PVT1: variants seen among roughly 807,000 people sequenced by gnomAD.
PVT1 encodes CXCR4/PVT1 fusion.
intron 2 of PVT1, among the ~76,000 whole-genome samples, chr8:127,817,541 A>ATGTGTGTGTGTG (rs1814679560): frequency 9.3e-6 from 1 of 107,766 alleles, no homozygotes; most frequent in Non-Finnish European, 1.9e-5. Context: ...ATATATATAT[A>ATGTGTGTGTGTG]TATATACACA....
intron 2 of PVT1, among the ~76,000 whole-genome samples, chr8:127,817,135 ACT>A (rs1814670719): frequency 6.6e-6 from 1 of 150,890 alleles, no homozygotes; most frequent in African/African-American, 2.4e-5. Flanking sequence ...GGGATTGTAG[ACT>A]CTCAAATTTG....
chr8:127,795,587 C>T (rs562962772), intron 1 of PVT1, among the ~76,000 whole-genome samples: 116 of 151,494 alleles, frequency 7.7e-4, no homozygotes, highest in African/African-American at 2.6e-3. Flanking sequence ...GGCTGTTAGC[C>T]TGTCTCTCGC....
At chr8:127,896,892 C>A (rs1815686022) in intron 3 of PVT1, among the ~76,000 whole-genome samples, 3 of 151,408 alleles carry the variant, frequency 2.0e-5, no homozygotes, top group South Asian at 4.2e-4. Flanking sequence ...TACTCTAATG[C>A]TAGCTATCTA....
intron 2 of PVT1, among the ~76,000 whole-genome samples, chr8:127,826,695 A>G (rs1436865315): frequency 1.3e-5 from 2 of 152,240 alleles, no homozygotes; most frequent in Non-Finnish European, 2.9e-5. Flanking sequence ...GCTGTTGCTA[A>G]GAGGCCACCC....
intron 5 of PVT1, among the ~76,000 whole-genome samples, chr8:128,093,447 C>T (rs1814385654): frequency 1.3e-5 from 2 of 152,050 alleles, no homozygotes; most frequent in Admixed American, 1.3e-4. Flanking sequence ...ATCCCAGCTA[C>T]TCAGGAGGCT....
At chr8:128,046,870 C>G (rs574718496) in intron 4 of PVT1, among the ~76,000 whole-genome samples, 1 of 152,216 alleles carries the variant, frequency 6.6e-6, no homozygotes, top group Non-Finnish European at 1.5e-5. Flanking sequence ...TCTCTAATCA[C>G]GTAGATTACA....
intron 4 of PVT1, among the ~76,000 whole-genome samples, chr8:128,067,953 G>GTTTT (rs34269945): frequency 1.4e-5 from 2 of 142,622 alleles, no homozygotes; most frequent in Non-Finnish European, 3.0e-5. Context: ...CATACTTTGT[G>GTTTT]TTTTTTTTTT....
chr8:127,929,198 T>A (rs1056941364), intron 3 of PVT1, among the ~76,000 whole-genome samples: 10 of 47,414 alleles, frequency 2.1e-4, no homozygotes, highest in African/African-American at 8.4e-4. Context: ...TTCATTTTTC[T>A]GTTTTTTTTT....
intron 3 of PVT1, among the ~76,000 whole-genome samples, chr8:127,954,509 G>T (rs1328651667): frequency 2.0e-5 from 3 of 152,028 alleles, no homozygotes; most frequent in Non-Finnish European, 2.9e-5. Flanking sequence ...TGGCCAGGAT[G>T]GTCTCGATCT....
chr8:128,091,210 T>C (rs577365265), intron 5 of PVT1, among the ~76,000 whole-genome samples: 1 of 152,274 alleles, frequency 6.6e-6, no homozygotes, highest in East Asian at 1.9e-4. Context: ...TGTCCCGGCC[T>C]GGCAGGCGTT....
intron 2 of PVT1, chr8:127,852,105 G>C (rs561542182): frequency 6.6e-6 from 1 of 152,314 alleles, no homozygotes; most frequent in African/African-American, 2.4e-5. Context: ...GAGCTGCCTC[G>C]ATTTCTGGTT....
chr8:127,861,557 CAT>C (rs1260622070), intron 2 of PVT1, among the ~76,000 whole-genome samples: 11 of 128,108 alleles, frequency 8.6e-5, no homozygotes, highest in Admixed American at 5.3e-4. Context: ...TTGTTTTTGA[CAT>C]GTTTTTTTTT....
intron 2 of PVT1, among the ~76,000 whole-genome samples, chr8:127,804,319 T>C (rs1814502366): frequency 6.6e-6 from 1 of 152,134 alleles, no homozygotes; most frequent in Non-Finnish European, 1.5e-5. Flanking sequence ...CACTGTTTTT[T>C]CTTTGCCTTG....
chr8:127,868,236 G>T (rs556013679), intron 2 of PVT1, among the ~76,000 whole-genome samples: 110 of 152,140 alleles, frequency 7.2e-4, no homozygotes, highest in Non-Finnish European at 8.1e-4. Context: ...GAGCTATAAG[G>T]CCTCAGGGTC....
intron 4 of PVT1, among the ~76,000 whole-genome samples, chr8:128,004,785 G>GT (rs1209695640): frequency 6.6e-6 from 1 of 152,172 alleles, no homozygotes; most frequent in Non-Finnish European, 1.5e-5. Flanking sequence ...ACCTGTAAAT[G>GT]TAACAATGCC....
At chr8:127,952,436 T>C (rs1400067555) in intron 3 of PVT1, among the ~76,000 whole-genome samples, 1 of 152,244 alleles carries the variant, frequency 6.6e-6, no homozygotes, top group East Asian at 1.9e-4. Flanking sequence ...ACTGTCTCAT[T>C]GCTTACTCAG....
intron 3 of PVT1, among the ~76,000 whole-genome samples, chr8:127,910,139 A>G (rs770662835): frequency 6.6e-6 from 1 of 152,108 alleles, no homozygotes; most frequent in Non-Finnish European, 1.5e-5. Context: ...CATGTGCTGG[A>G]AGAGCAATTA....
chr8:128,043,709 A>G (rs1813573177), intron 4 of PVT1, among the ~76,000 whole-genome samples: 1 of 150,564 alleles, frequency 6.6e-6, no homozygotes, highest in African/African-American at 2.5e-5. Flanking sequence ...GTGTGTCCGT[A>G]TGTGTGTGTA....
chr8:128,058,391 T>A (rs538119828), intron 4 of PVT1, among the ~76,000 whole-genome samples: 1 of 149,702 alleles, frequency 6.7e-6, no homozygotes, highest in Non-Finnish European at 1.5e-5. Flanking sequence ...TGTGTGTGTG[T>A]GTGTGTGTGT....
Sources: gnomAD v4.1 joint callset for allele counts (sites outside exome capture counted in the v4.1 genomes callset) on GRCh38, gnomAD v4.1.1 for gene constraint, MANE v1.5 for transcripts, NCBI Gene and HGNC (gene_info 2026-07-23, HGNC 2026-07-21) for gene names.